Variants in PRR5L observed in about 807,000 individuals in gnomAD.
PRR5L encodes proline-rich protein 5-like.
In PRR5L, 21 loss-of-function variants were observed where a neutral mutation model predicts 36.4. The ratio of observed to expected loss-of-function variants is 0.58; its 90% CI spans 0.41 to 0.83. PRR5L has a LOEUF of 0.83. Ranked by LOEUF, PRR5L falls within the 40% of genes least tolerant of loss-of-function variation. PRR5L has a pLI of 0.00. For synonymous variants in PRR5L, 188 were observed against 197.0 expected, an observed-to-expected ratio of 0.95 and a Z score of 0.38; for missense variants, 381 against 473.3, an observed-to-expected ratio of 0.80 and a Z score of 1.81.
chr11:36,356,354 C>T (rs1320212953), intron 1 of PRR5L, among the ~76,000 whole-genome samples: 1 of 152,132 alleles, frequency 6.6e-6, no homozygotes, highest in African/African-American at 2.4e-5. Flanking sequence ...TCATTGGCCT[C>T]TGAGTGGGTG....
chr11:36,421,710 T>C (rs1207866471), intron 4 of PRR5L, among the ~76,000 whole-genome samples: 1 of 152,162 alleles, frequency 6.6e-6, no homozygotes, highest in Non-Finnish European at 1.5e-5. Context: ...ACTGAAATGA[T>C]TTTAGGCGAT....
intron 1 of PRR5L, among the ~76,000 whole-genome samples, chr11:36,396,469 A>T (rs1204236103): frequency 6.6e-5 from 10 of 152,252 alleles, no homozygotes; most frequent in Non-Finnish European, 1.3e-4. Flanking sequence ...TCTGCTCCTC[A>T]GTGGAGTATT....
At chr11:36,457,619 AC>A (rs1294476009) in intron 8 of PRR5L, among the ~76,000 whole-genome samples, 24 of 144,446 alleles carry the variant, frequency 1.7e-4, no homozygotes, top group East Asian at 8.3e-4. Flanking sequence ...AAAAAAAAAA[AC>A]AAAACAAAAA....
At chr11:36,381,974 T>C (rs556109395) in intron 1 of PRR5L, among the ~76,000 whole-genome samples, 2 of 152,084 alleles carry the variant, frequency 1.3e-5, no homozygotes, top group South Asian at 4.1e-4. Context: ...CTGACCAGCA[T>C]GGTGAAACCC....
intron 1 of PRR5L, among the ~76,000 whole-genome samples, chr11:36,299,827 G>T (rs2133446659): frequency 6.6e-6 from 1 of 152,164 alleles, no homozygotes; most frequent in South Asian, 2.1e-4. Context: ...ACTGGAGTTT[G>T]GTCTGTGCTG....
intron 1 of PRR5L, among the ~76,000 whole-genome samples, chr11:36,352,456 T>C (rs1856985383): frequency 6.6e-6 from 1 of 152,280 alleles, no homozygotes; most frequent in East Asian, 1.9e-4. Flanking sequence ...TTGAGTCCCA[T>C]CTATTTATCT....
intron 6 of PRR5L, among the ~76,000 whole-genome samples, chr11:36,439,566 C>A (rs1264000924): frequency 6.6e-6 from 1 of 152,138 alleles, no homozygotes; most frequent in Non-Finnish European, 1.5e-5. Context: ...TGAGGCCATT[C>A]GCATGTGCTA....
chr11:36,447,366 T>C (rs1310809860), intron 7 of PRR5L, among the ~76,000 whole-genome samples: 1 of 152,226 alleles, frequency 6.6e-6, no homozygotes, highest in African/African-American at 2.4e-5. Flanking sequence ...TTGGTCCAGC[T>C]TGGGCTAGAT....
At chr11:36,398,122 T>G (rs891124092) in intron 1 of PRR5L, among the ~76,000 whole-genome samples, 1 of 152,224 alleles carries the variant, frequency 6.6e-6, no homozygotes, top group African/African-American at 2.4e-5. Context: ...TAAAGCCCGA[T>G]GCCTGTCTTC....
chr11:36,403,456 C>A, intron 3 of PRR5L, 78 bp downstream of exon 3: 2 of 1,015,748 alleles, frequency 2.0e-6, no homozygotes, highest in Non-Finnish European at 2.9e-6. Flanking sequence ...CCTTAGGAGC[C>A]TTAAGGGTTT....
At chr11:36,309,266 G>C (rs984532591) in intron 1 of PRR5L, among the ~76,000 whole-genome samples, 1 of 152,048 alleles carries the variant, frequency 6.6e-6, no homozygotes, top group East Asian at 1.9e-4. Flanking sequence ...AAGCATCAAC[G>C]CCAAGAAATT....
At chr11:36,419,591 G>T (rs1374155238) in intron 4 of PRR5L, among the ~76,000 whole-genome samples, 6 of 152,158 alleles carry the variant, frequency 3.9e-5, no homozygotes, top group Non-Finnish European at 1.5e-5. Flanking sequence ...TACCATAATA[G>T]AAATTAAACC....
intron 1 of PRR5L, among the ~76,000 whole-genome samples, chr11:36,318,437 C>T (rs1856580097): frequency 6.6e-6 from 1 of 152,162 alleles, no homozygotes; most frequent in Non-Finnish European, 1.5e-5. Flanking sequence ...TAATTTCCTT[C>T]CAACCCTGAA....
chr11:36,412,326 A>G (rs1450471285), intron 3 of PRR5L, among the ~76,000 whole-genome samples: 1 of 152,212 alleles, frequency 6.6e-6, no homozygotes. Context: ...AGTGGTGTCC[A>G]GCACCCAGCA....
At chr11:36,411,643 C>T (rs1858029651) in intron 3 of PRR5L, among the ~76,000 whole-genome samples, 1 of 152,102 alleles carries the variant, frequency 6.6e-6, no homozygotes, top group South Asian at 2.1e-4. Context: ...CAAATGAAAC[C>T]AGGCATGGAA....
chr11:36,330,162 A>G (rs1191851501), intron 1 of PRR5L, among the ~76,000 whole-genome samples: 1 of 152,236 alleles, frequency 6.6e-6, no homozygotes, highest in African/African-American at 2.4e-5. Context: ...GGGCTTATAG[A>G]GAGAAAAAGA....
intron 8 of PRR5L, among the ~76,000 whole-genome samples, 161 bp from the exon 9 acceptor site, chr11:36,462,181 T>G (rs1380042480): frequency 6.6e-6 from 1 of 152,114 alleles, no homozygotes; most frequent in African/African-American, 2.4e-5. Flanking sequence ...AGAGAAACAT[T>G]TAGGTATCAC....
At chr11:36,419,899 G>A (rs992234530) in intron 4 of PRR5L, among the ~76,000 whole-genome samples, 1 of 152,196 alleles carries the variant, frequency 6.6e-6, no homozygotes, top group Admixed American at 6.5e-5. Flanking sequence ...TCCCTTGAAA[G>A]AGTTTGGGTA....
chr11:36,459,562 C>G (rs894690448), intron 8 of PRR5L, among the ~76,000 whole-genome samples: 12 of 152,186 alleles, frequency 7.9e-5, no homozygotes, highest in African/African-American at 2.9e-4. Context: ...CCAGCTTTGC[C>G]TCTTCTTTGC....
Sources: allele counts gnomAD v4.1 joint callset (sites outside exome capture counted in the v4.1 genomes callset), GRCh38; gene constraint gnomAD v4.1.1; transcripts MANE v1.5; gene names NCBI Gene and HGNC (gene_info 2026-07-23, HGNC 2026-07-21).